Variants in GFPT1 observed in about 807,000 individuals in gnomAD.
GFPT1 encodes the protein glutamine--fructose-6-phosphate transaminase 1.
A neutral mutation model predicts 92.0 loss-of-function variants in GFPT1; 40 were observed. The observed-to-expected ratio is 0.43, with a 90% CI of 0.34 to 0.57. The LOEUF (loss-of-function observed/expected upper bound fraction) is 0.57. Ranked by LOEUF, GFPT1 falls within the 20% of genes least tolerant of loss-of-function variation. The probability of loss-of-function intolerance (pLI) is 0.02; values close to 1 mark genes in which losing one functional copy is unlikely to be tolerated. For missense variants in GFPT1, 448 were observed against 869.1 expected (o/e 0.52, Z 6.09); for synonymous variants, 269 against 280.6 (o/e 0.96, Z 0.41).
chr2:69,362,370 C>T (rs1384811492), intron 4 of GFPT1, among the ~76,000 whole-genome samples: 2 of 152,164 alleles, frequency 1.3e-5, no homozygotes, highest in African/African-American at 4.8e-5. Flanking sequence ...CAGGCAATCC[C>T]TCCATCTCAG....
chr2:69,363,745 C>A, intron 3 of GFPT1, 75 bp from the exon 4 acceptor site: 1 of 960,150 alleles, frequency 1.0e-6, no homozygotes, highest in Non-Finnish European at 1.7e-6. Flanking sequence ...TATTTAAATA[C>A]AATTATTACA....
intron 12 of GFPT1, among the ~76,000 whole-genome samples, chr2:69,345,198 G>A (rs1220773789): frequency 6.6e-6 from 1 of 152,056 alleles, no homozygotes; most frequent in African/African-American, 2.4e-5. Flanking sequence ...AGCAGTTGCG[G>A]TGAGCCGAGA....
rs553039784 is a variant in GFPT1 at position 69,326,069 on chromosome 2, T to C, written c.*120A>G. On this transcript the variant is annotated 3_prime_UTR_variant, in exon 20 of 20. Transcript: ENST00000357308. The stretch of plus-strand genomic sequence containing the variant: ...GAGTGGAATAATTATAACTGATATA[T>C]AAATAAGGATTTACTAAAAAAAGGC... 2 of 666,638 alleles carry C rather than the reference T, an allele frequency of 3.0e-6. No homozygotes were observed. Among genetic ancestry groups the C allele is most frequent in the South Asian group, 3.5e-5 (2 of 56,938 alleles). 41.3% of individuals were successfully genotyped at this position (666,638 alleles called of 1,614,324 possible).
At chr2:69,352,612 CAA>C (rs748958210) in intron 9 of GFPT1, among the ~76,000 whole-genome samples, 1 of 47,376 alleles carries the variant, frequency 2.1e-5, no homozygotes. Context: ...GACTTCGTCT[CAA>C]AAAAAAAAAA....
intron 10 of GFPT1, among the ~76,000 whole-genome samples, chr2:69,349,053 G>A (rs1395239951): frequency 6.6e-6 from 1 of 152,046 alleles, no homozygotes; most frequent in East Asian, 1.9e-4. Context: ...TTAACTCTCA[G>A]TTCAAACATC....
chr2:69,377,473 A>AC (rs1455784377), intron 1 of GFPT1, among the ~76,000 whole-genome samples: 33 of 131,978 alleles, frequency 2.5e-4, no homozygotes, highest in Non-Finnish European at 5.2e-4. Flanking sequence ...ACATGGTGAA[A>AC]CCCCGTCTCT....
chr2:69,362,451 A>C (rs952975702), intron 4 of GFPT1, among the ~76,000 whole-genome samples: 1 of 152,086 alleles, frequency 6.6e-6, no homozygotes, highest in Non-Finnish European at 1.5e-5. Context: ...AATTATGTAA[A>C]TATTTTAAAT....
intron 1 of GFPT1, among the ~76,000 whole-genome samples, chr2:69,382,977 C>G (rs988993146): frequency 6.6e-6 from 1 of 152,186 alleles, no homozygotes; most frequent in Non-Finnish European, 1.5e-5. Context: ...GCAGCAATTT[C>G]TTGAAGGCAA....
intron 18 of GFPT1, among the ~76,000 whole-genome samples, chr2:69,327,780 GAGATCTATGACCTTGGTCTTCTTAA>G (rs1348447281): frequency 6.6e-6 from 1 of 152,156 alleles, no homozygotes; most frequent in African/African-American, 2.4e-5. Context: ...TGCCCAATAT[GAGATCTATGACCTTGGTCTTCTTAA>G]AGCTCTAAGT....
chr2:69,372,432 T>C (rs1236801930), intron 2 of GFPT1, among the ~76,000 whole-genome samples: 1 of 152,010 alleles, frequency 6.6e-6, no homozygotes, highest in Non-Finnish European at 1.5e-5. Context: ...TAGCCAGGCG[T>C]GGTGGTGCAT....
chr2:69,345,960 T>C lies in GFPT1; in HGVS notation c.1049A>G (p.Gln350Arg). Reference sequence around the variant, plus strand: ...CATTGTGTTCACGACAGACTCTGGCTGCTCAAATATTTCCTTCTGCATAAA... The same window carrying C: ...CATTGTGTTCACGACAGACTCTGGCCGCTCAAATATTTCCTTCTGCATAAA... ...SSFMQKEIFE[Q>R]PESVVNTMRG... The change falls in exon 12 of 20, where the codon CAG becomes CGG. Residue 350 changes from glutamine to arginine, a missense_variant. Around this residue, in one of 7 missense-constraint regions of GFPT1, gnomAD observed 121 missense variants for 304.3 expected, o/e 0.40. Transcript: ENST00000357308. 6.2e-7 allele frequency: 1 copy of C among 1,608,222 alleles called. No homozygotes were observed. The highest frequency in any genetic ancestry group is 8.5e-7 in the Non-Finnish European group (1 of 1,174,578).
chr2:69,337,415 G>A (rs952284770), intron 15 of GFPT1, among the ~76,000 whole-genome samples: 3 of 152,216 alleles, frequency 2.0e-5, no homozygotes, highest in African/African-American at 7.2e-5. Context: ...ACTTTCAGAG[G>A]TAGTATGTAT....
intron 15 of GFPT1, among the ~76,000 whole-genome samples, chr2:69,333,897 C>A (rs552898285): frequency 1.3e-5 from 2 of 152,300 alleles, no homozygotes; most frequent in South Asian, 4.1e-4. Context: ...GTGGCTTACG[C>A]CTGTAATCCC....
At chr2:69,386,375 T>A (rs1024820769) in intron 1 of GFPT1, among the ~76,000 whole-genome samples, 2 of 152,240 alleles carry the variant, frequency 1.3e-5, no homozygotes, top group Non-Finnish European at 2.9e-5. Flanking sequence ...ATCCAAGGTA[T>A]AACTGATATT....
chr2:69,331,985 C>T (rs1042854170), intron 15 of GFPT1, among the ~76,000 whole-genome samples: 1 of 152,124 alleles, frequency 6.6e-6, no homozygotes, highest in Non-Finnish European at 1.5e-5. Context: ...TACTTTTAGA[C>T]TCAGATAACT....
At chr2:69,354,392 A>G in intron 8 of GFPT1, 80 bp from the exon 9 acceptor site, 1 of 1,320,472 alleles carries the variant, frequency 7.6e-7, no homozygotes, top group Non-Finnish European at 1.1e-6. Context: ...AGACAGAACT[A>G]TATATACATG....
intron 7 of GFPT1, 113 bp downstream of exon 7, chr2:69,356,383 T>C (rs1671338306): frequency 3.7e-6 from 3 of 802,556 alleles, no homozygotes; most frequent in Non-Finnish European, 6.7e-6. Flanking sequence ...CACATGAATA[T>C]ATCTAATAAA....
At chr2:69,360,373 T>G (rs905042194) in intron 4 of GFPT1, among the ~76,000 whole-genome samples, 6 of 151,680 alleles carry the variant, frequency 4.0e-5, no homozygotes, top group Non-Finnish European at 7.4e-5. Flanking sequence ...CTGGATTTAT[T>G]ATTCAGAGTT....
intron 7 of GFPT1, among the ~76,000 whole-genome samples, chr2:69,355,270 A>T (rs528367274): frequency 4.0e-4 from 61 of 151,654 alleles, no homozygotes; most frequent in African/African-American, 1.4e-3. Context: ...TAGAGATGGG[A>T]TTTTGTCATG....
Sources: allele counts gnomAD v4.1 joint callset (sites outside exome capture counted in the v4.1 genomes callset), GRCh38; gene constraint gnomAD v4.1.1; regional missense constraint gnomAD v4.1.1; transcripts MANE v1.5; gene names NCBI Gene and HGNC (gene_info 2026-07-23, HGNC 2026-07-21).